RABGAP1L: variants seen among roughly 807,000 people sequenced by gnomAD.
The protein encoded by RABGAP1L is rab GTPase-activating protein 1-like.
RABGAP1L carries 63 observed loss-of-function variants against 137.7 expected under a neutral mutation model. That is an observed-to-expected ratio of 0.46 (90% CI 0.37 to 0.56). The LOEUF is 0.56. Among genes scored for constraint, RABGAP1L ranks in the 20% least tolerant of loss-of-function variants. The probability of loss-of-function intolerance (pLI) is 0.00; values close to 1 mark genes in which losing one functional copy is unlikely to be tolerated. For missense variants in RABGAP1L, 1,095 were observed against 1,244.0 expected (o/e 0.88, Z 1.80); for synonymous variants, 431 against 433.7 (o/e 0.99, Z 0.08).
At chr1:174,395,275 T>A (rs922157587) in intron 13 of RABGAP1L, among the ~76,000 whole-genome samples, 3 of 152,134 alleles carry the variant, frequency 2.0e-5, no homozygotes, top group African/African-American at 7.2e-5. Context: ...TTTCTTGCAG[T>A]TTGCATGTGT....
At chr1:174,783,707 C>CTTTTTTTTTTTTTTTT (rs34367315) in intron 18 of RABGAP1L, among the ~76,000 whole-genome samples, 4 of 102,476 alleles carry the variant, frequency 3.9e-5, no homozygotes, top group Non-Finnish European at 5.8e-5. Context: ...TCTTCTTCTT[C>CTTTTTTTTTTTTTTTT]TTTTTTTTTT....
At chr1:174,644,991 G>C (rs1266318289) in intron 14 of RABGAP1L, among the ~76,000 whole-genome samples, 2 of 152,126 alleles carry the variant, frequency 1.3e-5, no homozygotes, top group African/African-American at 4.8e-5. Flanking sequence ...GAGATCAAAT[G>C]TATAACATGA....
At chr1:174,957,879 C>T in intron 20 of RABGAP1L, 1 of 1,570,680 alleles carries the variant, frequency 6.4e-7, no homozygotes. Flanking sequence ...CATAATATTT[C>T]TTTTCTTTCA....
intron 13 of RABGAP1L, among the ~76,000 whole-genome samples, chr1:174,458,176 A>G (rs1362380408): frequency 6.6e-6 from 1 of 152,146 alleles, no homozygotes; most frequent in African/African-American, 2.4e-5. Context: ...TATTGTAGAT[A>G]CAATTTTACT....
chr1:174,478,934 A>G (rs1409890147), intron 13 of RABGAP1L, among the ~76,000 whole-genome samples: 1 of 152,190 alleles, frequency 6.6e-6, no homozygotes, highest in Admixed American at 6.6e-5. Context: ...TTCTGTCTGC[A>G]TTTCAACAGG....
intron 13 of RABGAP1L, among the ~76,000 whole-genome samples, chr1:174,492,834 G>A (rs1660389278): frequency 6.6e-6 from 1 of 151,946 alleles, no homozygotes; most frequent in Non-Finnish European, 1.5e-5. Flanking sequence ...CTTTTGTGAA[G>A]GGTTTCTTCC....
At chr1:174,458,898 C>T (rs1032016863) in intron 13 of RABGAP1L, among the ~76,000 whole-genome samples, 5 of 151,496 alleles carry the variant, frequency 3.3e-5, no homozygotes, top group Admixed American at 6.6e-5. Context: ...TCCAATAGGC[C>T]GTAAAACAAA....
At chr1:174,613,616 A>G (rs984845221) in intron 13 of RABGAP1L, among the ~76,000 whole-genome samples, 101 of 152,142 alleles carry the variant, frequency 6.6e-4, no homozygotes, top group African/African-American at 2.1e-3. Context: ...TATCCTTGTT[A>G]ACTTTCTGTC....
intron 14 of RABGAP1L, among the ~76,000 whole-genome samples, chr1:174,661,995 T>C (rs1246832132): frequency 6.6e-6 from 1 of 152,200 alleles, no homozygotes; most frequent in East Asian, 1.9e-4. Flanking sequence ...TACTATACTG[T>C]GCTTTTTAAT....
chr1:174,234,689 G>T (rs1397606206), intron 4 of RABGAP1L, among the ~76,000 whole-genome samples: 1 of 150,756 alleles, frequency 6.6e-6, no homozygotes, highest in East Asian at 1.9e-4. Flanking sequence ...ATAGTTTGAA[G>T]TCAGGTAGTG....
In RABGAP1L at chr1:174,690,129, C is replaced by G. The variant is rs183291925; in HGVS notation, c.1899+6533C>G. Among the ~76,000 whole-genome samples the G allele has an allele frequency of 9.5e-3, 1,446 of 152,120 alleles. 23 individuals are homozygous for G. The highest frequency in any genetic ancestry group is 0.033 in the African/African-American group (1,385 of 41,526). ...TATTTAACTACTATCTTATGTCTCTCTGCCTTTTTGAAGCTGAACTCTTTC... is the reference window on the plus strand; with the variant it reads ...TATTTAACTACTATCTTATGTCTCTGTGCCTTTTTGAAGCTGAACTCTTTC... On this transcript the variant is annotated intron_variant, in intron 15 of 25. Transcript: ENST00000681986.
intron 10 of RABGAP1L, among the ~76,000 whole-genome samples, chr1:174,284,801 T>C (rs1447546023): frequency 3.4e-5 from 5 of 147,982 alleles, no homozygotes; most frequent in African/African-American, 1.3e-4. Context: ...GGTCTCCAGC[T>C]TTTTTTTCCC....
chr1:174,837,882 C>G (rs115118637), intron 19 of RABGAP1L, among the ~76,000 whole-genome samples: 3,166 of 152,204 alleles, frequency 0.021, 122 homozygotes, highest in African/African-American at 0.073. Flanking sequence ...ATAAAAAAAT[C>G]TTTTGTCTGT....
intron 13 of RABGAP1L, among the ~76,000 whole-genome samples, chr1:174,468,130 T>A (rs996020331): frequency 6.6e-6 from 1 of 152,144 alleles, no homozygotes; most frequent in African/African-American, 2.4e-5. Flanking sequence ...AGATAAATTA[T>A]TGCTTTTGTT....
At chr1:174,690,725 T>C (rs573683106) in intron 15 of RABGAP1L, among the ~76,000 whole-genome samples, 4 of 151,976 alleles carry the variant, frequency 2.6e-5, no homozygotes, top group African/African-American at 9.6e-5. Context: ...AAAGGGAGAA[T>C]AGACAAATGA....
At chr1:174,435,135 C>G (rs1653107641) in intron 13 of RABGAP1L, among the ~76,000 whole-genome samples, 1 of 152,154 alleles carries the variant, frequency 6.6e-6, no homozygotes, top group Non-Finnish European at 1.5e-5. Context: ...GTCCTCCTGC[C>G]TCAGCTTGCA....
intron 14 of RABGAP1L, among the ~76,000 whole-genome samples, chr1:174,662,143 G>A (rs1201798927): frequency 4.8e-5 from 6 of 124,992 alleles, no homozygotes; most frequent in African/African-American, 1.3e-4. Flanking sequence ...TGGCTCTGTC[G>A]CCCAGGCTGT....
chr1:174,589,826 T>G (rs1669422605), intron 13 of RABGAP1L, among the ~76,000 whole-genome samples: 1 of 152,164 alleles, frequency 6.6e-6, no homozygotes, highest in South Asian at 2.1e-4. Flanking sequence ...ATGTGTTTCT[T>G]TTTATGCCAG....
intron 14 of RABGAP1L, among the ~76,000 whole-genome samples, chr1:174,663,709 T>C (rs1293392449): frequency 6.6e-6 from 1 of 152,202 alleles, no homozygotes; most frequent in African/African-American, 2.4e-5. Flanking sequence ...CTCAATACTT[T>C]TATGGTTATT....
Sources: gnomAD v4.1 joint callset for allele counts (sites outside exome capture counted in the v4.1 genomes callset) on GRCh38, gnomAD v4.1.1 for gene constraint, MANE v1.5 for transcripts, NCBI Gene and HGNC (gene_info 2026-07-23, HGNC 2026-07-21) for gene names.